Variants in CDH10 observed in about 807,000 individuals in gnomAD.
The protein encoded by CDH10 is cadherin 10, also known as cadherin-10.
Under a neutral mutation model 73.1 loss-of-function variants are expected in CDH10, and 30 were observed. That is an observed-to-expected ratio of 0.41 (90% CI 0.31 to 0.56). The LOEUF is 0.56. Ranked by LOEUF, CDH10 falls within the 20% of genes least tolerant of loss-of-function variation. The probability of loss-of-function intolerance (pLI) is 0.27; values close to 1 mark genes in which losing one functional copy is unlikely to be tolerated. For missense variants in CDH10, 815 were observed against 973.7 expected (o/e 0.84, Z 2.17); for synonymous variants, 345 against 348.2 (o/e 0.99, Z 0.10).
chr5:24,515,578 A>G (rs1462659634), intron 5 of CDH10, among the ~76,000 whole-genome samples: 1 of 152,212 alleles, frequency 6.6e-6, no homozygotes, highest in Non-Finnish European at 1.5e-5. Context: ...TAATCATTTT[A>G]CTACTAACTA....
chr5:24,496,876 C>T (rs746684911), intron 9 of CDH10, among the ~76,000 whole-genome samples: 1 of 152,168 alleles, frequency 6.6e-6, no homozygotes, highest in Non-Finnish European at 1.5e-5. Context: ...TTAACCGAGG[C>T]ATTTTTCAGC....
In CDH10 at chr5:24,511,455, T is replaced by C. The variant is rs748555707; in HGVS notation, c.874A>G (p.Lys292Glu). The C allele has an allele frequency of 7.8e-5, 126 of 1,610,976 alleles. No individual in the cohort carries two copies. Among genetic ancestry groups the C allele is most frequent in the South Asian group, 4.4e-4 (40 of 91,016 alleles). The stretch of plus-strand genomic sequence containing the variant: ...TTCCCAGTGTCAGCATCAGTTGCTT[T>C]GACACTTCCAATGGCTGTGCCAACT... ...SPVGTAIGSV[K>E]ATDADTGKNA... The change falls in exon 6 of 12, where the codon AAA becomes GAA. Residue 292 changes from lysine (K) to glutamate (E), a missense_variant. Physicochemically the swap from Lys to Glu is moderately conservative, Grantham distance 56. This residue lies in a region of CDH10 where 516 missense variants were observed against 636.6 expected (regional missense o/e 0.81). Transcript: ENST00000264463.
In CDH10 at chr5:24,571,301, A is replaced by C. The variant is rs569309093; in HGVS notation, c.231+21959T>G. 5.1e-4 allele frequency among the ~76,000 whole-genome samples: 78 copies of C among 152,250 alleles called. 1 individual carries two copies. The highest frequency in any genetic ancestry group is 1.8e-3 in the African/African-American group (76 of 41,522). The stretch of plus-strand genomic sequence containing the variant: ...CAAAACATTTTTAAGAAGTTGGAAA[A>C]AATTTAAGAAAAAAGCAGGATGTGA... On this transcript the variant is annotated intron_variant, in intron 2 of 11. Coordinates refer to ENST00000264463, the MANE Select transcript of CDH10 (RefSeq NM_006727.5).
At chr5:24,521,091 T>G (rs1743312151) in intron 5 of CDH10, among the ~76,000 whole-genome samples, 1 of 151,982 alleles carries the variant, frequency 6.6e-6, no homozygotes, top group Non-Finnish European at 1.5e-5. Flanking sequence ...CTATATAAGA[T>G]TTAACAGGAA....
rs148523728 is a variant in CDH10 at position 24,512,994 on chromosome 5, CTTTCTTTTCT to C, written c.815-1490_815-1481del. Among the ~76,000 whole-genome samples, 432 of 149,846 alleles carry C rather than the reference CTTTCTTTTCT, an allele frequency of 2.9e-3. 2 individuals carry two copies. The highest frequency in any genetic ancestry group is 9.8e-3 in the African/African-American group (399 of 40,632). On this transcript the variant is annotated intron_variant, in intron 5 of 11. Transcript: ENST00000264463. Reference sequence around the variant, plus strand: ...ATTACTATTTCTTCTTGCTTTCTCTCTTTCTTTTCTTTTCTTTTCTTTCTTTGTTTCTTTT... The same window carrying C: ...ATTACTATTTCTTCTTGCTTTCTCTCTTTCTTTTCTTTCTTTGTTTCTTTT...
At chr5:24,565,750 A>G (rs1042374614) in intron 2 of CDH10, among the ~76,000 whole-genome samples, 1 of 151,622 alleles carries the variant, frequency 6.6e-6, no homozygotes, top group Non-Finnish European at 1.5e-5. Flanking sequence ...CTCTGTCTCT[A>G]TCTCTCTCTT....
Position 24,593,578 on chromosome 5 carries a change from A to G in CDH10, c.-88T>C. 1 of 664,958 alleles carries G rather than the reference A, an allele frequency of 1.5e-6. No individual in the cohort carries two copies. The highest frequency in any genetic ancestry group is 2.6e-6 in the Non-Finnish European group (1 of 380,864). 41.2% of individuals were successfully genotyped at this position (664,958 alleles called of 1,614,324 possible). ...TTTTACTGTGTTTCAACTGGTTTCC[A>G]ACATTTCATCAATGTTTTGTTCATG... On this transcript the variant is annotated 5_prime_UTR_variant, in exon 2 of 12. Coordinates refer to ENST00000264463, the MANE Select transcript of CDH10 (RefSeq NM_006727.5).
chr5:24,590,585 A>G (rs1214748725), intron 2 of CDH10, among the ~76,000 whole-genome samples: 3 of 151,976 alleles, frequency 2.0e-5, no homozygotes, highest in Non-Finnish European at 4.4e-5. Context: ...CTTTAACCCA[A>G]TGAGCAGTAA....
chr5:24,572,563 A>G (rs1407555059), intron 2 of CDH10, among the ~76,000 whole-genome samples: 1 of 152,102 alleles, frequency 6.6e-6, no homozygotes, highest in African/African-American at 2.4e-5. Context: ...ACACTATCTT[A>G]TTTAGAAAAA....
intron 5 of CDH10, among the ~76,000 whole-genome samples, chr5:24,525,903 C>T (rs990413651): frequency 1.3e-5 from 2 of 152,068 alleles, no homozygotes; most frequent in Admixed American, 6.6e-5. Flanking sequence ...CTACATTTCT[C>T]AAAAATGGTC....
At chr5:24,635,133 A>T (rs1445493381) in intron 1 of CDH10, among the ~76,000 whole-genome samples, 1 of 151,930 alleles carries the variant, frequency 6.6e-6, no homozygotes, top group Admixed American at 6.6e-5. Context: ...CTATGTCTTC[A>T]TCAGACAGTT....
chr5:24,588,505 T>C (rs985385355), intron 2 of CDH10, among the ~76,000 whole-genome samples: 10 of 152,220 alleles, frequency 6.6e-5, no homozygotes, highest in Non-Finnish European at 1.3e-4. Context: ...AACTCTCATA[T>C]AATGCAAAGA....
chr5:24,527,134 T>C (rs893623827), intron 5 of CDH10, among the ~76,000 whole-genome samples: 1 of 150,894 alleles, frequency 6.6e-6, no homozygotes, highest in Non-Finnish European at 1.5e-5. Flanking sequence ...TCTCCAGTTA[T>C]ATGTGTGTAC....
At chr5:24,550,715 C>T (rs1273696456) in intron 2 of CDH10, among the ~76,000 whole-genome samples, 1 of 152,150 alleles carries the variant, frequency 6.6e-6, no homozygotes, top group Non-Finnish European at 1.5e-5. Context: ...ACAAATCAGT[C>T]CTTCTCATTT....
chr5:24,493,527 G>A (rs141203124), intron 9 of CDH10, among the ~76,000 whole-genome samples: 22 of 151,844 alleles, frequency 1.4e-4, no homozygotes, highest in African/African-American at 2.6e-4. Flanking sequence ...AACATAAGAC[G>A]CTATATGGTA....
chr5:24,554,070 G>C (rs1744660231), intron 2 of CDH10: 2 of 110,872 alleles, frequency 1.8e-5, no homozygotes, highest in South Asian at 7.4e-4. Flanking sequence ...CAGAGAGAGA[G>C]AGAGAGAGGA....
intron 5 of CDH10, among the ~76,000 whole-genome samples, chr5:24,513,305 C>T (rs1742989551): frequency 6.6e-6 from 1 of 152,164 alleles, no homozygotes; most frequent in Non-Finnish European, 1.5e-5. Flanking sequence ...AGGCATGAGC[C>T]ACTGTGCCCG....
At chr5:24,563,279 C>T (rs988493206) in intron 2 of CDH10, among the ~76,000 whole-genome samples, 3 of 152,008 alleles carry the variant, frequency 2.0e-5, no homozygotes, top group African/African-American at 7.2e-5. Context: ...TTGGGTTAGG[C>T]ATTTACAGCA....
At chr5:24,567,116 A>C (rs538824575) in intron 2 of CDH10, among the ~76,000 whole-genome samples, 1 of 152,044 alleles carries the variant, frequency 6.6e-6, no homozygotes, top group South Asian at 2.1e-4. Flanking sequence ...ATCCTTAGTC[A>C]TCAGAAAAAT....
Sources: gnomAD v4.1 joint callset for allele counts (sites outside exome capture counted in the v4.1 genomes callset) on GRCh38, gnomAD v4.1.1 for gene constraint, gnomAD v4.1.1 regional missense constraint, MANE v1.5 for transcripts, NCBI Gene and HGNC (gene_info 2026-07-23, HGNC 2026-07-21) for gene names.